Variants in C3 observed in about 807,000 individuals in gnomAD.
The protein encoded by C3 is complement C3, also known as C3 and PZP-like alpha-2-macroglobulin domain-containing protein 1.
Under a neutral mutation model 207.9 loss-of-function variants are expected in C3, and 97 were observed. That is an observed-to-expected ratio of 0.47 (90% CI 0.40 to 0.55). C3 has a LOEUF of 0.55. C3 is among the 20% of genes least tolerant of loss of function. The probability of loss-of-function intolerance (pLI) is 0.00; values close to 1 mark genes in which losing one functional copy is unlikely to be tolerated. For synonymous variants in C3, 848 were observed against 857.6 expected (o/e 0.99, Z 0.20); for missense variants, 1,684 against 2,171.7 (o/e 0.78, Z 4.46).
intron 24 of C3, among the ~76,000 whole-genome samples, chr19:6,694,227 T>G (rs1252740553): frequency 8.4e-6 from 1 of 119,650 alleles, no homozygotes; most frequent in Admixed American, 8.5e-5. Flanking sequence ...AGAGGCGGGG[T>G]CTCATGAAAA....
rs144681587 is a variant in C3, at chr19:6,708,829, G to A, written c.1845+855C>T. ...TGCCTCCTGAGCAGATGGGACTACA[G>A]GCATGCGCCATCATGCCCAGCTATT... On this transcript the variant is annotated intron_variant, in intron 14 of 40. Coordinates refer to ENST00000245907, the MANE Select transcript of C3 (RefSeq NM_000064.4). 1.6e-3 allele frequency among the ~76,000 whole-genome samples: 238 copies of A among 151,926 alleles called. 2 individuals carry two copies. The highest frequency in any genetic ancestry group is 2.3e-3 in the Non-Finnish European group (155 of 67,976).
chr19:6,717,648 G>A, intron 4 of C3: 1 of 311,846 alleles, frequency 3.2e-6, no homozygotes, highest in East Asian at 8.1e-5. Flanking sequence ...TGTGTGTTGT[G>A]TGTGGTGTGG....
intron 33 of C3, among the ~76,000 whole-genome samples, chr19:6,683,543 T>C (rs1412941615): frequency 2.8e-5 from 4 of 143,186 alleles, no homozygotes; most frequent in Admixed American, 7.6e-5. Context: ...CTCCGCCTCC[T>C]GGGTTCACGC....
At chr19:6,687,239 G>A (rs1053304136) in intron 27 of C3, among the ~76,000 whole-genome samples, 1 of 152,092 alleles carries the variant, frequency 6.6e-6, no homozygotes, top group African/African-American at 2.4e-5. Flanking sequence ...CCAATTTCAC[G>A]GTGTCAATGC....
At chr19:6,712,726 A>G in intron 9 of C3, 103 bp from the exon 10 acceptor site, 1 of 955,570 alleles carries the variant, frequency 1.0e-6, no homozygotes, top group Admixed American at 1.8e-5. Context: ...CCTCCCTCAG[A>G]GTAGAGTCCA....
At chr19:6,705,332 T>TTCTCTC (rs200729858) in intron 17 of C3, among the ~76,000 whole-genome samples, 1 of 149,456 alleles carries the variant, frequency 6.7e-6, no homozygotes. Context: ...TTCTTTTCTT[T>TTCTCTC]TCTCTCTCTT....
chr19:6,693,874 C>T (rs393770), intron 24 of C3, among the ~76,000 whole-genome samples: 93,636 of 149,574 alleles, frequency 0.63, 29,862 homozygotes, highest in African/African-American at 0.73. Flanking sequence ...ATGTGGGGAC[C>T]CAGGGGATGG....
chr19:6,679,244 C>G, intron 37 of C3, 36 bp from the exon 38 acceptor site: 1 of 1,581,184 alleles, frequency 6.3e-7, no homozygotes. Flanking sequence ...CTAAGTCCCA[C>G]TCCTTATCTG....
At chr19:6,686,932 C>A in intron 27 of C3, 30 bp from the exon 28 acceptor site, 2 of 1,612,240 alleles carry the variant, frequency 1.2e-6, no homozygotes, top group South Asian at 2.2e-5. Context: ...ATTCTCCGGT[C>A]ATGTGGGCAT....
chr19:6,706,743 C>T (rs1967782854), intron 17 of C3, among the ~76,000 whole-genome samples: 1 of 144,668 alleles, frequency 6.9e-6, no homozygotes. Context: ...CAGACAGAGG[C>T]CTCCTCCCCC....
chr19:6,711,735 G>A (rs1440867056), intron 11 of C3, among the ~76,000 whole-genome samples: 2 of 152,176 alleles, frequency 1.3e-5, no homozygotes, highest in African/African-American at 4.8e-5. Flanking sequence ...AACCTCCGCA[G>A]CTGTCATGAG....
intron 10 of C3, 26 bp downstream of exon 10, chr19:6,712,482 G>A (rs903832298): frequency 6.2e-7 from 1 of 1,613,536 alleles, no homozygotes; most frequent in Admixed American, 1.7e-5. Flanking sequence ...GGGAGGAGTG[G>A]GACCCCTTCC....
In C3 at chr19:6,681,974, G is replaced by A. The variant is rs779838912; in HGVS notation, c.4317C>T (p.Ser1439=). The change falls in exon 35 of 41, where the codon TCC becomes TCT. Residue 1439 remains serine, a synonymous_variant. Coordinates refer to ENST00000245907, the MANE Select transcript of C3 (RefSeq NM_000064.4). The part of the protein sequence containing the change: ...ISKYELDKAF[S]DRNTLIIYLD... The stretch of plus-strand genomic sequence containing the variant: ...GGTAGATGATGAGGGTGTTCCTATC[G>A]GAGAAGGCTTTGTCCAGCTCATACT... 25 of 1,613,942 alleles carry A rather than the reference G, an allele frequency of 1.5e-5. No individual in the cohort carries two copies. The highest frequency in any genetic ancestry group is 2.2e-5 in the East Asian group (1 of 44,888).
intron 19 of C3, among the ~76,000 whole-genome samples, chr19:6,701,406 C>T (rs1169783765): frequency 6.6e-6 from 1 of 152,150 alleles, no homozygotes; most frequent in South Asian, 2.1e-4. Context: ...CACCCACTCA[C>T]GCCCCTTCAC....
At chr19:6,709,618 C>CCCA in intron 14 of C3, 66 bp downstream of exon 14, 2 of 1,104,162 alleles carry the variant, frequency 1.8e-6, no homozygotes, top group Non-Finnish European at 2.7e-6. Context: ...CAGTCCCACC[C>CCCA]ACCTCCCCCA....
Position 6,707,461 on chromosome 19 carries a change from C to T in C3, c.2047+5G>A, listed in dbSNP as rs1967805411. On this transcript the variant is annotated splice_donor_5th_base_variant and intron_variant, in intron 16 of 40. Transcript: ENST00000245907. ...GGGGCAGGAGTGGGTAGGAAAGGCTCCCACCTTTGTCCATTCGCTTCTCCG... is the reference window on the plus strand; with the variant it reads ...GGGGCAGGAGTGGGTAGGAAAGGCTTCCACCTTTGTCCATTCGCTTCTCCG... The T allele has an allele frequency of 6.2e-7, 1 of 1,613,666 alleles. No individual in the cohort carries two copies. The highest frequency in any genetic ancestry group is 1.7e-5 in the Admixed American group (1 of 60,002).
In C3 at chr19:6,685,315, T is replaced by C. The variant is rs188647292; in HGVS notation, c.3811-169A>G. 5.3e-5 allele frequency among the ~76,000 whole-genome samples: 8 copies of C among 152,228 alleles called. No individual in the cohort carries two copies. The East Asian group carries it at 1.5e-3, about 29-fold the overall frequency. The stretch of plus-strand genomic sequence containing the variant: ...GAGGTCACTGGACTCTGAGGACATG[T>C]TCAGAACTCTCCGAGAGACAGAAAC... On this transcript the variant is annotated intron_variant, in intron 29 of 40. Coordinates refer to ENST00000245907, the MANE Select transcript of C3 (RefSeq NM_000064.4).
intron 4 of C3, chr19:6,716,580 C>A: frequency 6.6e-6 from 1 of 152,252 alleles, no homozygotes. Context: ...ATGAGAACAC[C>A]CTCCTTCCCC....
chr19:6,705,340 C>CTCTCTTTTT (rs370147369), intron 17 of C3, among the ~76,000 whole-genome samples: 1 of 144,062 alleles, frequency 6.9e-6, no homozygotes, highest in African/African-American at 2.5e-5. Context: ...TTTTCTCTCT[C>CTCTCTTTTT]TTTTTTTTTT....
Sources: allele counts gnomAD v4.1 joint callset (sites outside exome capture counted in the v4.1 genomes callset), GRCh38; gene constraint gnomAD v4.1.1; transcripts MANE v1.5; gene names NCBI Gene and HGNC (gene_info 2026-07-23, HGNC 2026-07-21).